MARCHF4: variants seen among roughly 807,000 people sequenced by gnomAD.
MARCHF4 encodes membrane associated ring-CH-type finger 4, also known as E3 ubiquitin-protein ligase MARCHF4.
Under a neutral mutation model 43.9 loss-of-function variants are expected in MARCHF4, and 14 were observed. The observed-to-expected ratio is 0.32, with a 90% CI of 0.21 to 0.50. MARCHF4 has a LOEUF of 0.50. Ranked by LOEUF, MARCHF4 falls within the 20% of genes least tolerant of loss-of-function variation. MARCHF4 has a pLI of 0.98. For missense variants in MARCHF4, 468 were observed against 536.7 expected, an observed-to-expected ratio of 0.87 and a Z score of 1.27; for synonymous variants, 226 against 213.3, an observed-to-expected ratio of 1.06 and a Z score of -0.52.
At chr2:216,351,605 G>C (rs1190407831) in intron 1 of MARCHF4, 1 of 152,242 alleles carries the variant, frequency 6.6e-6, no homozygotes, top group Non-Finnish European at 1.5e-5. Flanking sequence ...CATGAGCTGA[G>C]GACCCACAGT....
At chr2:216,321,145 G>A (rs1447035407) in intron 1 of MARCHF4, among the ~76,000 whole-genome samples, 1 of 151,990 alleles carries the variant, frequency 6.6e-6, no homozygotes, top group African/African-American at 2.4e-5. Context: ...ACTGTCTGTA[G>A]GAAACTCTTA....
chr2:216,305,971 C>T (rs1335978177), intron 1 of MARCHF4, among the ~76,000 whole-genome samples: 1 of 152,180 alleles, frequency 6.6e-6, no homozygotes, highest in African/African-American at 2.4e-5. Context: ...TACCTAACCA[C>T]ACCCCACCCC....
At chr2:216,350,199 C>A (rs116432356) in intron 1 of MARCHF4, among the ~76,000 whole-genome samples, 1 of 151,346 alleles carries the variant, frequency 6.6e-6, no homozygotes, top group African/African-American at 2.4e-5. Flanking sequence ...AAACATGCTA[C>A]GCCACTGTCT....
chr2:216,322,824 C>CA (rs1308746206), intron 1 of MARCHF4, among the ~76,000 whole-genome samples: 1 of 151,664 alleles, frequency 6.6e-6, no homozygotes, highest in African/African-American at 2.4e-5. Flanking sequence ...GACTCCGTCT[C>CA]AAAAAAAAGA....
chr2:216,338,259 C>T (rs1692186734), intron 1 of MARCHF4, among the ~76,000 whole-genome samples: 1 of 152,278 alleles, frequency 6.6e-6, no homozygotes, highest in East Asian at 1.9e-4. Flanking sequence ...TGTGTGGTCA[C>T]TCCTTGCCTT....
intron 1 of MARCHF4, among the ~76,000 whole-genome samples, chr2:216,302,897 C>CAAAAAAAA (rs201503998): frequency 2.6e-5 from 2 of 78,360 alleles, no homozygotes; most frequent in Non-Finnish European, 4.6e-5. Flanking sequence ...GACTCTGTAT[C>CAAAAAAAA]AAAAAAAAAA....
chr2:216,281,040 G>C (rs560275293), intron 2 of MARCHF4, among the ~76,000 whole-genome samples: 9 of 144,812 alleles, frequency 6.2e-5, no homozygotes, highest in Admixed American at 5.5e-4. Context: ...ACAGGAAACA[G>C]TGTATTATTT....
chr2:216,346,902 G>T (rs1692329165), intron 1 of MARCHF4, among the ~76,000 whole-genome samples: 1 of 152,152 alleles, frequency 6.6e-6, no homozygotes, highest in African/African-American at 2.4e-5. Flanking sequence ...GGAGGGAGGT[G>T]ATTAGATCAT....
intron 1 of MARCHF4, among the ~76,000 whole-genome samples, chr2:216,321,162 C>T (rs1691890156): frequency 6.6e-6 from 1 of 152,042 alleles, no homozygotes; most frequent in African/African-American, 2.4e-5. Flanking sequence ...CTTAACTCTT[C>T]AGTCAAGACT....
intron 1 of MARCHF4, among the ~76,000 whole-genome samples, chr2:216,369,021 C>G (rs532706071): frequency 1.3e-5 from 2 of 152,284 alleles, no homozygotes; most frequent in East Asian, 1.9e-4. Flanking sequence ...AGTCAACACA[C>G]TTTTTAGGTC....
chr2:216,283,495 G>A, intron 2 of MARCHF4, 79 bp downstream of exon 2: 3 of 1,477,506 alleles, frequency 2.0e-6, no homozygotes, highest in Non-Finnish European at 1.8e-6. Context: ...TGAATCTAAG[G>A]TGAAGTAAGC....
chr2:216,356,978 G>A (rs1407241117), intron 1 of MARCHF4, among the ~76,000 whole-genome samples: 1 of 151,714 alleles, frequency 6.6e-6, no homozygotes, highest in African/African-American at 2.4e-5. Context: ...AGCTGAGATC[G>A]TGCCACTGCA....
chr2:216,332,321 G>A (rs987547326), intron 1 of MARCHF4, among the ~76,000 whole-genome samples: 5 of 151,530 alleles, frequency 3.3e-5, no homozygotes, highest in Non-Finnish European at 7.4e-5. Flanking sequence ...GAACCCGGGA[G>A]GTGGAAGTTG....
At chr2:216,273,974 T>C (rs965776152) in intron 3 of MARCHF4, among the ~76,000 whole-genome samples, 4 of 152,232 alleles carry the variant, frequency 2.6e-5, no homozygotes, top group African/African-American at 9.6e-5. Context: ...GTTGGCATTC[T>C]GGAAATTTGA....
chr2:216,356,871 A>G (rs1365243554), intron 1 of MARCHF4, among the ~76,000 whole-genome samples: 1 of 152,096 alleles, frequency 6.6e-6, no homozygotes, highest in Non-Finnish European at 1.5e-5. Context: ...AAAAATATAA[A>G]AATTAGCTGG....
chr2:216,266,196 T>C (rs1326216233), intron 3 of MARCHF4: 2 of 152,184 alleles, frequency 1.3e-5, no homozygotes, highest in Admixed American at 1.3e-4. Context: ...GTTTGCCACT[T>C]ACTCACCTTG....
chr2:216,300,787 G>A (rs1438810020), intron 1 of MARCHF4, among the ~76,000 whole-genome samples: 2 of 152,054 alleles, frequency 1.3e-5, no homozygotes, highest in Non-Finnish European at 2.9e-5. Context: ...CATTCCAATG[G>A]TCTGGAATTT....
chr2:216,372,317 C>A lies in MARCHF4; in HGVS notation c.-2057G>T, dbSNP rs1026730783. Among the ~76,000 whole-genome samples, 22 of 152,148 alleles carry A rather than the reference C, an allele frequency of 1.4e-4. No individual in the cohort carries two copies. Among genetic ancestry groups the A allele is most frequent in the African/African-American group, 4.6e-4 (19 of 41,436 alleles). On this transcript the variant is annotated 5_prime_UTR_variant, in exon 1 of 4. Transcript: ENST00000273067. ...CTATCTCCGCCGCCGGCGCCGCGGCCGCCGCTGCTGCATTCAGCACCCCGG... is the reference window on the plus strand; with the variant it reads ...CTATCTCCGCCGCCGGCGCCGCGGCAGCCGCTGCTGCATTCAGCACCCCGG...
At position 216,259,310 on chromosome 2, in the gene MARCHF4, T is replaced by C; in HGVS notation, c.*2A>G. On this transcript the variant is annotated 3_prime_UTR_variant, in exon 4 of 4. Coordinates refer to ENST00000273067, the MANE Select transcript of MARCHF4 (RefSeq NM_020814.3). ...CATGGCCTTCCTTCCGGGCCTCTGC[T>C]CTCACACTGTCGTGACTCTCATGAC... The C allele has an allele frequency of 6.5e-7, 1 of 1,530,310 alleles. No individual in the cohort carries two copies. The highest frequency in any genetic ancestry group is 1.3e-5 in the South Asian group (1 of 77,840). 94.8% of individuals were successfully genotyped at this position (1,530,310 alleles called of 1,614,324 possible).
Sources: allele counts gnomAD v4.1 joint callset (sites outside exome capture counted in the v4.1 genomes callset), GRCh38; gene constraint gnomAD v4.1.1; transcripts MANE v1.5; gene names NCBI Gene and HGNC (gene_info 2026-07-23, HGNC 2026-07-21).